CTNND2: variants seen among roughly 807,000 people sequenced by gnomAD.
The protein encoded by CTNND2 is catenin delta-2.
Under a neutral mutation model 144.4 loss-of-function variants are expected in CTNND2, and 22 were observed. The ratio of observed to expected loss-of-function variants is 0.15; its 90% CI spans 0.11 to 0.22. The LOEUF is 0.22. Ranked by LOEUF, CTNND2 falls within the 10% of genes least tolerant of loss-of-function variation. The probability of loss-of-function intolerance (pLI) is 1.00; values close to 1 mark genes in which losing one functional copy is unlikely to be tolerated. For synonymous variants in CTNND2, 751 were observed against 695.6 expected (o/e 1.08, Z -1.25); for missense variants, 1,353 against 1,618.8 (o/e 0.84, Z 2.82).
chr5:11,643,716 CTTA>C (rs1225640996), intron 2 of CTNND2, among the ~76,000 whole-genome samples: 1 of 151,966 alleles, frequency 6.6e-6, no homozygotes, highest in Non-Finnish European at 1.5e-5. Flanking sequence ...AATGGGATTA[CTTA>C]TTATTGTGAG....
chr5:11,775,273 G>A (rs755756496), intron 1 of CTNND2, among the ~76,000 whole-genome samples: 7 of 152,128 alleles, frequency 4.6e-5, no homozygotes, highest in Non-Finnish European at 7.4e-5. Flanking sequence ...TTGAATTGAC[G>A]AAAATTGGAC....
At chr5:11,643,177 G>A (rs1782155644) in intron 2 of CTNND2, among the ~76,000 whole-genome samples, 1 of 151,882 alleles carries the variant, frequency 6.6e-6, no homozygotes, top group African/African-American at 2.4e-5. Context: ...TTTTATGTGT[G>A]TATGCTTGCA....
chr5:11,451,223 CA>C (rs1359527563), intron 3 of CTNND2, among the ~76,000 whole-genome samples: 3 of 151,948 alleles, frequency 2.0e-5, no homozygotes, highest in African/African-American at 7.3e-5. Context: ...ACGTCTTTGT[CA>C]ATAATTTTTC....
chr5:11,400,261 G>T (rs1393695777), intron 5 of CTNND2, among the ~76,000 whole-genome samples: 2 of 152,274 alleles, frequency 1.3e-5, no homozygotes, highest in South Asian at 4.1e-4. Flanking sequence ...CGAAGAGAAA[G>T]AAGCTGGACC....
chr5:11,735,051 A>C (rs1295475138), intron 1 of CTNND2, among the ~76,000 whole-genome samples: 1 of 152,204 alleles, frequency 6.6e-6, no homozygotes, highest in Non-Finnish European at 1.5e-5. Context: ...ATATGTGAGA[A>C]GGTTTGGGGA....
intron 1 of CTNND2, among the ~76,000 whole-genome samples, chr5:11,819,857 G>T (rs994101497): frequency 5.9e-5 from 9 of 152,150 alleles, no homozygotes; most frequent in Non-Finnish European, 5.9e-5. Flanking sequence ...CCTCCACACT[G>T]CCTGCAACAG....
intron 2 of CTNND2, among the ~76,000 whole-genome samples, chr5:11,595,922 G>A (rs1435518380): frequency 1.3e-5 from 2 of 152,150 alleles, no homozygotes; most frequent in Non-Finnish European, 2.9e-5. Flanking sequence ...ATGCCACAAT[G>A]CACCAGTTTT....
intron 10 of CTNND2, among the ~76,000 whole-genome samples, chr5:11,229,761 A>G (rs949615672): frequency 6.6e-6 from 1 of 151,718 alleles, no homozygotes; most frequent in African/African-American, 2.4e-5. Context: ...TATATACTGT[A>G]TAACTGCTTT....
At position 11,212,306 on chromosome 5, in the gene CTNND2, C is replaced by A. The variant is rs143222975; in HGVS notation, c.1762-12645G>T. On this transcript the variant is annotated intron_variant, in intron 10 of 21. Transcript: ENST00000304623. ...GAAGCCCACAGGAAAGTCACAAAAC[C>A]AGCCTCCTTAGGAAATGGGGTGGGG... 1.1e-3 allele frequency among the ~76,000 whole-genome samples: 169 copies of A among 152,296 alleles called. No individual in the cohort carries two copies. The East Asian group carries it at 0.023, about 21-fold the overall frequency.
intron 3 of CTNND2, among the ~76,000 whole-genome samples, chr5:11,450,302 C>T (rs61760342): frequency 0.063 from 9,557 of 152,212 alleles, 1,021 homozygotes; most frequent in African/African-American, 0.22. Context: ...TTCCATATGT[C>T]ACCATAAAAA....
chr5:11,590,390 C>A (rs1779156028), intron 2 of CTNND2, among the ~76,000 whole-genome samples: 1 of 152,118 alleles, frequency 6.6e-6, no homozygotes, highest in African/African-American at 2.4e-5. Context: ...TAAAAATTCA[C>A]AGTACATACT....
chr5:11,494,899 A>G (rs1769788530), intron 3 of CTNND2, among the ~76,000 whole-genome samples: 1 of 152,202 alleles, frequency 6.6e-6, no homozygotes, highest in Non-Finnish European at 1.5e-5. Flanking sequence ...TGTTCTCAGT[A>G]TTCCATTCAG....
At chr5:11,458,937 T>C (rs1033708238) in intron 3 of CTNND2, among the ~76,000 whole-genome samples, 1 of 125,526 alleles carries the variant, frequency 8.0e-6, no homozygotes, top group South Asian at 2.3e-4. Flanking sequence ...GTTTCTTTTC[T>C]TTTTTTTTTT....
intron 1 of CTNND2, among the ~76,000 whole-genome samples, chr5:11,770,176 CG>C (rs1395783461): frequency 3.4e-4 from 52 of 152,082 alleles, no homozygotes; most frequent in African/African-American, 1.2e-3. Flanking sequence ...GGAGACCTCA[CG>C]GGCATCACAG....
chr5:11,008,946 G>A (rs1052868575), intron 18 of CTNND2, among the ~76,000 whole-genome samples: 1 of 152,214 alleles, frequency 6.6e-6, no homozygotes, highest in African/African-American at 2.4e-5. Flanking sequence ...CAGTGCCAGA[G>A]GTGAACTGAC....
chr5:11,311,060 T>C (rs1248965777), intron 9 of CTNND2, among the ~76,000 whole-genome samples: 1 of 127,698 alleles, frequency 7.8e-6, no homozygotes, highest in African/African-American at 3.1e-5. Flanking sequence ...GCACTCACGC[T>C]CCCCATGCAC....
chr5:11,770,155 C>T (rs1789833903), intron 1 of CTNND2, among the ~76,000 whole-genome samples: 1 of 152,072 alleles, frequency 6.6e-6, no homozygotes, highest in Admixed American at 6.6e-5. Flanking sequence ...ACAGAAACTC[C>T]CTAGGGCTTA....
intron 2 of CTNND2, among the ~76,000 whole-genome samples, chr5:11,621,034 A>T (rs1461493667): frequency 1.3e-5 from 2 of 152,164 alleles, no homozygotes; most frequent in African/African-American, 4.8e-5. Context: ...CTGTTTACTC[A>T]GCCATTCTCA....
intron 1 of CTNND2, among the ~76,000 whole-genome samples, chr5:11,862,225 C>G (rs183437930): frequency 6.6e-6 from 1 of 152,290 alleles, no homozygotes. Flanking sequence ...TTTTAACCAA[C>G]TTACTACTAG....
Sources: gnomAD v4.1 joint callset for allele counts (sites outside exome capture counted in the v4.1 genomes callset) on GRCh38, gnomAD v4.1.1 for gene constraint, MANE v1.5 for transcripts, NCBI Gene and HGNC (gene_info 2026-07-23, HGNC 2026-07-21) for gene names.